BLVRB: variants seen among roughly 807,000 people sequenced by gnomAD.
The protein encoded by BLVRB is flavin reductase (NADPH).
A neutral mutation model predicts 21.1 loss-of-function variants in BLVRB; 25 were observed. The ratio of observed to expected loss-of-function variants is 1.19; its 90% CI spans 0.86 to 1.66. BLVRB has a LOEUF of 1.66. Among genes scored for constraint, BLVRB ranks in the 40% most tolerant of loss-of-function variants. The pLI is 0.00. For synonymous variants in BLVRB, 128 were observed against 122.2 expected (o/e 1.05, Z -0.31); for missense variants, 274 against 282.7 (o/e 0.97, Z 0.22).
Position 40,458,483 on chromosome 19 carries a change from C to A in BLVRB, c.142G>T (p.Ala48Ser). 1 of 1,609,512 alleles carries A rather than the reference C, an allele frequency of 6.2e-7. No individual in the cohort carries two copies. The change falls in exon 2 of 5, where the codon GCC (alanine) becomes TCC (serine). Residue 48 changes from alanine (A) to serine (S), a missense_variant. Physicochemically the swap from Ala to Ser is moderately conservative, Grantham distance 99. Coordinates refer to ENST00000263368, the MANE Select transcript of BLVRB (RefSeq NM_000713.3). Reference protein sequence around the residue: ...SRLPSEGPRPAHVVVGDVLQA... With the variant: ...SRLPSEGPRPSHVVVGDVLQA... ...AGAACATCTCCCACTACCACGTGGG[C>A]CGGCCGGGGCCCCTCTGATGGCAGC... is the stretch of plus-strand genomic sequence containing the variant.
chr19:40,464,360 C>T (rs2079801486), intron 1 of BLVRB, among the ~76,000 whole-genome samples: 3 of 152,104 alleles, frequency 2.0e-5, no homozygotes, highest in Admixed American at 6.6e-5. Context: ...TCCCAAAGTG[C>T]TGGGATTATA....
intron 3 of BLVRB, among the ~76,000 whole-genome samples, chr19:40,455,258 T>C (rs2079757697): frequency 6.6e-6 from 1 of 152,196 alleles, no homozygotes; most frequent in Admixed American, 6.5e-5. Flanking sequence ...TTTCTAATCT[T>C]TTACCTTGAC....
chr19:40,459,462 T>A (rs544174903), intron 1 of BLVRB, among the ~76,000 whole-genome samples: 22 of 152,022 alleles, frequency 1.4e-4, no homozygotes, highest in African/African-American at 2.4e-4. Flanking sequence ...TATTATTATT[T>A]TTTGAGACGG....
intron 1 of BLVRB, 131 bp downstream of exon 1, chr19:40,465,479 G>A (rs894040145): frequency 5.4e-6 from 6 of 1,119,286 alleles, no homozygotes; most frequent in Admixed American, 4.4e-5. Flanking sequence ...CACTTGCTTT[G>A]GCCCCTGAGT....
intron 1 of BLVRB, among the ~76,000 whole-genome samples, chr19:40,461,451 T>C (rs1331936780): frequency 6.6e-6 from 1 of 150,772 alleles, no homozygotes; most frequent in Non-Finnish European, 1.5e-5. Context: ...ATCTGGCTTC[T>C]CCTCTCCAGG....
intron 4 of BLVRB, among the ~76,000 whole-genome samples, chr19:40,449,976 G>A (rs1412640241): frequency 6.6e-6 from 1 of 151,440 alleles, no homozygotes; most frequent in East Asian, 2.0e-4. Flanking sequence ...AAGGTGGGCA[G>A]ATCACGAGGT....
At position 40,451,355 on chromosome 19, in the gene BLVRB, C is replaced by T. The variant is rs752323789; in HGVS notation, c.463+9G>A. The T allele has an allele frequency of 6.5e-5, 103 of 1,596,848 alleles. No individual in the cohort carries two copies. Among genetic ancestry groups the T allele is most frequent in the Non-Finnish European group, 8.5e-5 (100 of 1,172,112 alleles). On this transcript the variant is annotated intron_variant, in intron 4 of 4. Coordinates refer to ENST00000263368, the MANE Select transcript of BLVRB (RefSeq NM_000713.3). Reference sequence around the variant, plus strand: ...GGCATTGGTGCCACCAGGTCCCTGCCCTGCTTACCTATGTGTGGCGGCATC... The same window carrying T: ...GGCATTGGTGCCACCAGGTCCCTGCTCTGCTTACCTATGTGTGGCGGCATC...
At chr19:40,460,213 A>G (rs2079780399) in intron 1 of BLVRB, among the ~76,000 whole-genome samples, 1 of 145,712 alleles carries the variant, frequency 6.9e-6, no homozygotes, top group Non-Finnish European at 1.5e-5. Flanking sequence ...ACATTGGCAA[A>G]GGATGTTAAC....
Position 40,447,925 on chromosome 19 carries a change from G to A in BLVRB, c.585C>T (p.Asp195=), listed in dbSNP as rs200541223. ...GGTGGGAGGGGTAGGTGCTGTGTCC[G>A]TCGTACTCATCGGTGGTGAGGCAGC... ...MLRCLTTDEY[D]GHSTYPSHQY... Residue 195 remains aspartate, a synonymous_variant, in exon 5 of 5, where the codon GAC becomes GAT. Coordinates refer to ENST00000263368, the MANE Select transcript of BLVRB (RefSeq NM_000713.3). The A allele has an allele frequency of 6.8e-6, 11 of 1,614,078 alleles. No individual in the cohort carries two copies. The highest frequency in any genetic ancestry group is 3.3e-5 in the Admixed American group (2 of 60,006).
intron 1 of BLVRB, among the ~76,000 whole-genome samples, chr19:40,464,665 C>G (rs2079802954): frequency 6.6e-6 from 1 of 152,190 alleles, no homozygotes; most frequent in Non-Finnish European, 1.5e-5. Context: ...CCACAGCTCC[C>G]CATTCTCCAC....
intron 4 of BLVRB, among the ~76,000 whole-genome samples, chr19:40,448,594 C>T (rs2079724376): frequency 1.0e-5 from 1 of 97,584 alleles, no homozygotes; most frequent in African/African-American, 4.4e-5. Context: ...TTGTCTCTAA[C>T]AACAACAACA....
At chr19:40,453,975 A>G (rs2079751497) in intron 3 of BLVRB, among the ~76,000 whole-genome samples, 1 of 152,208 alleles carries the variant, frequency 6.6e-6, no homozygotes, top group Admixed American at 6.6e-5. Flanking sequence ...ACAGAGCAAG[A>G]CCTTGTCTCA....
rs1371791880 is a variant in BLVRB at position 40,458,179 on chromosome 19, C to G, written c.310G>C (p.Asp104His). 2.5e-6 allele frequency: 4 copies of G among 1,614,122 alleles called. No homozygotes were observed. The highest frequency in any genetic ancestry group is 3.4e-6 in the Non-Finnish European group (4 of 1,180,010). Residue 104 changes from aspartate (D) to histidine (H), a missense_variant, in exon 3 of 5, where the codon GAC becomes CAC. Asp to His is a moderately conservative substitution (Grantham distance 81). Coordinates refer to ENST00000263368, the MANE Select transcript of BLVRB (RefSeq NM_000713.3). ...IVAAMKAHGV[D>H]KVVACTSAFL... ...CCCGAGGTGCAGGCCACGACCTTGT[C>G]CACACCATGAGCCTTCATGGCTGCC...
At chr19:40,456,168 A>C (rs1381337917) in intron 3 of BLVRB, among the ~76,000 whole-genome samples, 1 of 152,176 alleles carries the variant, frequency 6.6e-6, no homozygotes, top group African/African-American at 2.4e-5. Context: ...GCTAACTTCA[A>C]ATGGGTCAGA....
At chr19:40,461,498 ATT>A (rs35562498) in intron 1 of BLVRB, among the ~76,000 whole-genome samples, 2,557 of 135,468 alleles carry the variant, frequency 0.019, 113 homozygotes, top group Admixed American at 0.12. Context: ...CCCACAGCAC[ATT>A]TTTTTTTTTT....
In BLVRB at chr19:40,451,448, C is replaced by T. The variant is rs1403389773; in HGVS notation, c.379G>A (p.Ala127Thr). The change falls in exon 4 of 5, where the codon GCT becomes ACT. Residue 127 changes from alanine to threonine, a missense_variant. Physicochemically the swap from Ala to Thr is moderately conservative, Grantham distance 58. Transcript: ENST00000263368. Reference sequence around the variant, plus strand: ...ATCCGGATGTGGTCATCAGTCACAGCCTGCAGTCGTGGGGGCACCTTGGTA... The same window carrying T: ...ATCCGGATGTGGTCATCAGTCACAGTCTGCAGTCGTGGGGGCACCTTGGTA... Reference protein sequence around the residue: ...DPTKVPPRLQAVTDDHIRMHK... With the variant: ...DPTKVPPRLQTVTDDHIRMHK... 6.2e-7 allele frequency: 1 copy of T among 1,613,260 alleles called. No individual in the cohort carries two copies. Among genetic ancestry groups the T allele is most frequent in the African/African-American group, 1.3e-5 (1 of 74,882 alleles).
rs764681599 is a variant in BLVRB at position 40,458,402 on chromosome 19, G to A, written c.223C>T (p.Leu75=). The A allele has an allele frequency of 3.1e-6, 5 of 1,590,306 alleles. No individual in the cohort carries two copies. The highest frequency in any genetic ancestry group is 4.3e-6 in the Non-Finnish European group (5 of 1,169,090). ...VAGQDAVIVL[L]GTRNDLSPTT... ...GTACTGAGGTCATTGCGGGTGCCCA[G>A]CAGCACGATGACAGCGTCCTGCCCA... The change falls in exon 2 of 5, where the codon CTG becomes TTG. Residue 75 remains leucine, a synonymous_variant. Coordinates refer to ENST00000263368, the MANE Select transcript of BLVRB (RefSeq NM_000713.3).
intron 1 of BLVRB, among the ~76,000 whole-genome samples, chr19:40,463,285 A>C (rs529715011): frequency 6.6e-6 from 1 of 152,238 alleles, no homozygotes; most frequent in Non-Finnish European, 1.5e-5. Flanking sequence ...ATTCAATGCT[A>C]GTCTAAGTAC....
intron 1 of BLVRB, among the ~76,000 whole-genome samples, chr19:40,461,300 C>T (rs2079786483): frequency 6.6e-6 from 1 of 152,150 alleles, no homozygotes; most frequent in African/African-American, 2.4e-5. Context: ...CTGCCCTCTC[C>T]AATCCATATT....
Sources: allele counts gnomAD v4.1 joint callset (sites outside exome capture counted in the v4.1 genomes callset), GRCh38; gene constraint gnomAD v4.1.1; transcripts MANE v1.5; gene names NCBI Gene and HGNC (gene_info 2026-07-23, HGNC 2026-07-21).